Variants in FHIT observed in about 807,000 individuals in gnomAD.
FHIT encodes fragile histidine triad diadenosine triphosphatase, also known as bis(5'-adenosyl)-triphosphatase.
FHIT carries 19 observed loss-of-function variants against 17.9 expected under a neutral mutation model. The observed-to-expected ratio is 1.06, with a 90% confidence interval of 0.74 to 1.56. FHIT has a LOEUF of 1.56. Ranked by LOEUF, FHIT falls within the 40% of genes most tolerant of loss-of-function variation. The probability of loss-of-function intolerance (pLI) is 0.00; values close to 1 mark genes in which losing one functional copy is unlikely to be tolerated. For synonymous variants in FHIT, 81 were observed against 69.7 expected (o/e 1.16, Z -0.81); for missense variants, 248 against 189.2 (o/e 1.31, Z -1.82).
intron 2 of FHIT, among the ~76,000 whole-genome samples, chr3:61,062,943 TATC>T (rs1391099495): frequency 2.0e-5 from 3 of 152,302 alleles, no homozygotes; most frequent in African/African-American, 7.2e-5. Context: ...GACTAACTGA[TATC>T]ATTAACACAG....
intron 5 of FHIT, among the ~76,000 whole-genome samples, chr3:60,253,600 A>G (rs1705836987): frequency 6.6e-6 from 1 of 152,180 alleles, no homozygotes; most frequent in Non-Finnish European, 1.5e-5. Context: ...TATACTGTAG[A>G]CTTCCCAGGA....
chr3:60,491,668 T>C (rs2034073364), intron 5 of FHIT, among the ~76,000 whole-genome samples: 1 of 152,222 alleles, frequency 6.6e-6, no homozygotes, highest in Non-Finnish European at 1.5e-5. Context: ...GCTGGAGTGC[T>C]TTCGTTCTGT....
chr3:61,234,628 G>T (rs567605268), intron 1 of FHIT, among the ~76,000 whole-genome samples: 28 of 152,184 alleles, frequency 1.8e-4, no homozygotes, highest in Non-Finnish European at 3.5e-4. Flanking sequence ...TGGGTGAAAT[G>T]CAATGTTATT....
chr3:60,273,226 A>G (rs1706955426), intron 5 of FHIT, among the ~76,000 whole-genome samples: 1 of 152,210 alleles, frequency 6.6e-6, no homozygotes, highest in Non-Finnish European at 1.5e-5. Context: ...AGCATAGGGT[A>G]AAATAAAAAC....
At chr3:60,076,365 C>T (rs1048920299) in intron 5 of FHIT, among the ~76,000 whole-genome samples, 9 of 152,036 alleles carry the variant, frequency 5.9e-5, no homozygotes, top group African/African-American at 2.2e-4. Context: ...GCCAGAAACT[C>T]AGAAAAGCCT....
intron 5 of FHIT, among the ~76,000 whole-genome samples, chr3:60,315,438 A>G (rs1709121633): frequency 6.6e-6 from 1 of 152,156 alleles, no homozygotes; most frequent in Non-Finnish European, 1.5e-5. Flanking sequence ...ATTTCCCTCA[A>G]TAAACATCCC....
Position 60,003,950 on chromosome 3 carries a change from T to G in FHIT, c.279+7421A>C, listed in dbSNP as rs1442570256. On this transcript the variant is annotated intron_variant, in intron 7 of 9. Transcript: ENST00000492590. ...AATTTTGAAATTAGAATGAGCTGAT[T>G]ACATGGAGTTAGAGATTTTTATATT... 2.6e-5 allele frequency among the ~76,000 whole-genome samples: 4 copies of G among 152,142 alleles called. No homozygotes were observed. The East Asian group carries it at 7.7e-4, about 29-fold the overall frequency.
At chr3:60,890,017 C>T (rs1475973151) in intron 3 of FHIT, among the ~76,000 whole-genome samples, 1 of 152,036 alleles carries the variant, frequency 6.6e-6, no homozygotes, top group African/African-American at 2.4e-5. Flanking sequence ...TTATGAACAT[C>T]CAAATAAAAC....
At chr3:60,214,964 A>G (rs1703631421) in intron 5 of FHIT, among the ~76,000 whole-genome samples, 1 of 152,084 alleles carries the variant, frequency 6.6e-6, no homozygotes, top group South Asian at 2.1e-4. Context: ...GGAGCTAAAC[A>G]TTGAATACAT....
intron 4 of FHIT, among the ~76,000 whole-genome samples, chr3:60,821,010 C>T (rs1701909470): frequency 6.6e-6 from 1 of 151,786 alleles, no homozygotes; most frequent in African/African-American, 2.4e-5. Context: ...GGGTCTCACT[C>T]TGTCGCCTAG....
At chr3:61,115,567 TA>T (rs1481413828) in intron 2 of FHIT, among the ~76,000 whole-genome samples, 2 of 152,016 alleles carry the variant, frequency 1.3e-5, no homozygotes, top group African/African-American at 4.8e-5. Flanking sequence ...AAGCTGCTGA[TA>T]AAATGGATGA....
intron 5 of FHIT, among the ~76,000 whole-genome samples, chr3:60,290,547 A>C (rs1707934756): frequency 6.6e-6 from 1 of 152,100 alleles, no homozygotes; most frequent in Non-Finnish European, 1.5e-5. Context: ...TGGAAGTGGA[A>C]TGTCTCTAAT....
At chr3:60,435,369 A>C (rs2030124596) in intron 5 of FHIT, among the ~76,000 whole-genome samples, 1 of 152,122 alleles carries the variant, frequency 6.6e-6, no homozygotes. Context: ...GCTGTTTTTA[A>C]CAACTCTCCT....
chr3:60,523,965 G>T (rs1183559140), intron 5 of FHIT, among the ~76,000 whole-genome samples: 1 of 152,158 alleles, frequency 6.6e-6, no homozygotes, highest in Non-Finnish European at 1.5e-5. Flanking sequence ...CCTGGTGTGA[G>T]AACTTACCAC....
rs567253375 is a variant in FHIT at position 60,909,256 on chromosome 3, T to C, written c.-110-87245A>G. On this transcript the variant is annotated intron_variant, in intron 3 of 9. Transcript: ENST00000492590. Reference sequence around the variant, plus strand: ...TGGTGGTGTGCACCTGTATTCCCAGTTACTCAGGAGGCTGAGGCAGGAGAA... The same window carrying C: ...TGGTGGTGTGCACCTGTATTCCCAGCTACTCAGGAGGCTGAGGCAGGAGAA... 1.3e-3 allele frequency among the ~76,000 whole-genome samples: 202 copies of C among 151,752 alleles called. 3 individuals are homozygous for C. In the South Asian group the frequency reaches 0.041, roughly 31 times the overall value.
intron 8 of FHIT, among the ~76,000 whole-genome samples, chr3:59,806,606 ATC>A (rs1309867709): frequency 6.6e-5 from 3 of 45,214 alleles, no homozygotes; most frequent in Non-Finnish European, 1.7e-4. Context: ...AGTTGAGCAA[ATC>A]ATATATATAT....
intron 4 of FHIT, among the ~76,000 whole-genome samples, chr3:60,744,263 CAA>C (rs1201886354): frequency 6.0e-4 from 52 of 85,994 alleles, no homozygotes; most frequent in South Asian, 3.0e-3. Context: ...AAAAACAAAA[CAA>C]AACAAAAAAA....
At chr3:61,215,482 A>G (rs371909065) in intron 1 of FHIT, among the ~76,000 whole-genome samples, 10 of 152,322 alleles carry the variant, frequency 6.6e-5, no homozygotes, top group Middle Eastern at 3.4e-3. Context: ...CCACTGCTCA[A>G]TGAAATAAAA....
At chr3:60,581,445 A>G (rs1222033353) in intron 4 of FHIT, among the ~76,000 whole-genome samples, 2 of 152,070 alleles carry the variant, frequency 1.3e-5, no homozygotes, top group Non-Finnish European at 2.9e-5. Context: ...TGTTTTGTAC[A>G]TATTATCTCC....
Sources: gnomAD v4.1 joint callset for allele counts (sites outside exome capture counted in the v4.1 genomes callset) on GRCh38, gnomAD v4.1.1 for gene constraint, MANE v1.5 for transcripts, NCBI Gene and HGNC (gene_info 2026-07-23, HGNC 2026-07-21) for gene names.